The following ACBD6 variants were observed in gnomAD, a reference collection of about 807,000 sequenced individuals.
ACBD6 encodes acyl-CoA binding domain containing 6.
In ACBD6, 28 loss-of-function variants were observed where a neutral mutation model predicts 37.2. That is an observed-to-expected ratio of 0.75 (90% CI 0.56 to 1.03). The LOEUF (loss-of-function observed/expected upper bound fraction) is 1.03. ACBD6 is among the 50% of genes least tolerant of loss of function. The pLI is 0.00. For missense variants in ACBD6, 340 were observed against 337.4 expected (o/e 1.01, Z -0.06); for synonymous variants, 113 against 126.8 (o/e 0.89, Z 0.73).
At chr1:180,291,817 A>T (rs1160308481) in intron 7 of ACBD6, among the ~76,000 whole-genome samples, 2 of 152,112 alleles carry the variant, frequency 1.3e-5, no homozygotes, top group African/African-American at 4.8e-5. Flanking sequence ...TTCCTCTTAC[A>T]TATACATCTA....
At chr1:180,305,679 T>C (rs1650327478) in intron 7 of ACBD6, among the ~76,000 whole-genome samples, 1 of 152,224 alleles carries the variant, frequency 6.6e-6, no homozygotes, top group Non-Finnish European at 1.5e-5. Context: ...TCAACCATTG[T>C]GGAAGTCAGT....
chr1:180,444,776 T>C (rs1035850001), intron 3 of ACBD6, among the ~76,000 whole-genome samples: 1 of 152,236 alleles, frequency 6.6e-6, no homozygotes, highest in African/African-American at 2.4e-5. Flanking sequence ...TTACATTGCC[T>C]GAGACTCTAT....
At chr1:180,388,487 T>A (rs1266448804) in intron 6 of ACBD6, among the ~76,000 whole-genome samples, 2 of 152,222 alleles carry the variant, frequency 1.3e-5, no homozygotes, top group Admixed American at 1.3e-4. Flanking sequence ...CTATCTCTAT[T>A]TGCCAATGAT....
intron 6 of ACBD6, among the ~76,000 whole-genome samples, chr1:180,343,279 T>C (rs1230269568): frequency 6.6e-6 from 1 of 152,060 alleles, no homozygotes; most frequent in Non-Finnish European, 1.5e-5. Context: ...AAGAGTTTAT[T>C]CCACCTCCAT....
At chr1:180,488,880 C>G (rs930603695) in intron 3 of ACBD6, among the ~76,000 whole-genome samples, 1 of 152,166 alleles carries the variant, frequency 6.6e-6, no homozygotes, top group African/African-American at 2.4e-5. Flanking sequence ...CACACCTGGC[C>G]TTAGCTGGCT....
intron 5 of ACBD6, among the ~76,000 whole-genome samples, chr1:180,397,850 C>T (rs1178760593): frequency 3.3e-5 from 5 of 152,030 alleles, no homozygotes; most frequent in South Asian, 4.1e-4. Context: ...GTCAAGAGTT[C>T]GAGACCAGCC....
intron 5 of ACBD6, among the ~76,000 whole-genome samples, chr1:180,405,215 T>C (rs1230467738): frequency 1.3e-5 from 2 of 152,178 alleles, no homozygotes; most frequent in African/African-American, 2.4e-5. Flanking sequence ...TTCTGTTACT[T>C]AGTACTGTCA....
At chr1:180,401,130 A>T (rs1647339604) in intron 5 of ACBD6, among the ~76,000 whole-genome samples, 1 of 152,268 alleles carries the variant, frequency 6.6e-6, no homozygotes, top group Non-Finnish European at 1.5e-5. Flanking sequence ...GGTGAGGGAG[A>T]GCCATTATTA....
chr1:180,271,490 G>T, exon 14 of ACBD6: 1 of 1,614,208 alleles, frequency 6.2e-7, no homozygotes, highest in Non-Finnish European at 8.5e-7. Context: ...GCACGTGAGG[G>T]AGCAGCTGTC....
intron 13 of ACBD6, chr1:180,271,980 T>C (rs754828184): frequency 9.9e-6 from 16 of 1,611,700 alleles, no homozygotes; most frequent in South Asian, 7.7e-5. Flanking sequence ...GACTGTGGGG[T>C]TAGTGACAGT....
chr1:180,340,528 GA>G (rs1289819749), intron 6 of ACBD6, among the ~76,000 whole-genome samples: 2 of 151,976 alleles, frequency 1.3e-5, no homozygotes, highest in Non-Finnish European at 2.9e-5. Flanking sequence ...TTGTAAAAAG[GA>G]GGAAAGAAAT....
chr1:180,476,582 T>C (rs1252224494), intron 3 of ACBD6, among the ~76,000 whole-genome samples: 2 of 152,124 alleles, frequency 1.3e-5, no homozygotes, highest in Admixed American at 6.5e-5. Context: ...TCCCAGCACT[T>C]TGGAAGGCCA....
intron 4 of ACBD6, among the ~76,000 whole-genome samples, chr1:180,420,978 CA>C (rs1648338235): frequency 6.6e-6 from 1 of 152,082 alleles, no homozygotes; most frequent in African/African-American, 2.4e-5. Flanking sequence ...CTACATTAAA[CA>C]CCTGTTCATG....
chr1:180,293,988 G>A (rs558485776), intron 7 of ACBD6, among the ~76,000 whole-genome samples: 12 of 152,042 alleles, frequency 7.9e-5, no homozygotes, highest in Admixed American at 2.6e-4. Context: ...TCCGCCTCCC[G>A]GGTTCAAGTG....
intron 3 of ACBD6, among the ~76,000 whole-genome samples, chr1:180,458,424 G>T (rs1650004370): frequency 6.6e-6 from 1 of 152,094 alleles, no homozygotes; most frequent in South Asian, 2.1e-4. Context: ...AAGACATTCA[G>T]TATAACCAGG....
intron 4 of ACBD6, among the ~76,000 whole-genome samples, chr1:180,414,029 C>T (rs4578179): frequency 0.49 from 73,919 of 152,050 alleles, 20,800 homozygotes; most frequent in South Asian, 0.66. Context: ...GTATACAGTA[C>T]ATTTTTCTAT....
At chr1:180,410,507 C>T (rs750436814) in intron 5 of ACBD6, among the ~76,000 whole-genome samples, 4 of 152,112 alleles carry the variant, frequency 2.6e-5, no homozygotes, top group Non-Finnish European at 4.4e-5. Flanking sequence ...GCTCATTTAC[C>T]ATTCTGAAAA....
At chr1:180,454,427 A>T (rs1368101359) in intron 3 of ACBD6, among the ~76,000 whole-genome samples, 1 of 152,226 alleles carries the variant, frequency 6.6e-6, no homozygotes, top group Non-Finnish European at 1.5e-5. Context: ...AAACCCTAGA[A>T]GAAAACCTAG....
At chr1:180,448,083 T>C (rs901591130) in intron 3 of ACBD6, among the ~76,000 whole-genome samples, 3 of 152,190 alleles carry the variant, frequency 2.0e-5, no homozygotes. Context: ...GAACAATGAA[T>C]TTTTAACTAG....
Sources: gnomAD v4.1 joint callset for allele counts (sites outside exome capture counted in the v4.1 genomes callset) on GRCh38, gnomAD v4.1.1 for gene constraint, MANE v1.5 for transcripts, NCBI Gene and HGNC (gene_info 2026-07-23, HGNC 2026-07-21) for gene names.